TRERF1: variants seen among roughly 807,000 people sequenced by gnomAD.
TRERF1 encodes transcriptional regulating factor 1.
TRERF1 carries 27 observed loss-of-function variants against 122.9 expected under a neutral mutation model. That is an observed-to-expected ratio of 0.22 (90% CI 0.16 to 0.30). The LOEUF (loss-of-function observed/expected upper bound fraction) is 0.30, where lower values mean the gene tolerates loss of function less well. Among genes scored for constraint, TRERF1 ranks in the 10% least tolerant of loss-of-function variants. The pLI, the probability that TRERF1 is intolerant of heterozygous loss-of-function variation, is 1.00. For missense variants in TRERF1, 1,248 were observed against 1,560.3 expected (o/e 0.80, Z 3.37); for synonymous variants, 636 against 641.7 (o/e 0.99, Z 0.13).
chr6:42,373,410 G>C (rs1262825139), intron 2 of TRERF1, among the ~76,000 whole-genome samples: 1 of 152,208 alleles, frequency 6.6e-6, no homozygotes, highest in African/African-American at 2.4e-5. Context: ...GCTCACACCT[G>C]CAATCCCAGC....
intron 2 of TRERF1, among the ~76,000 whole-genome samples, chr6:42,447,388 C>T (rs944312371): frequency 6.6e-6 from 1 of 152,230 alleles, no homozygotes; most frequent in Non-Finnish European, 1.5e-5. Context: ...AAAATGCCCA[C>T]AGCACCCTTG....
intron 4 of TRERF1, among the ~76,000 whole-genome samples, chr6:42,298,951 G>A (rs1206335972): frequency 2.0e-5 from 3 of 151,646 alleles, no homozygotes; most frequent in Admixed American, 6.6e-5. Context: ...AAAACAAAAC[G>A]AAACAAAACA....
intron 4 of TRERF1, among the ~76,000 whole-genome samples, chr6:42,284,153 G>A (rs1001988386): frequency 6.6e-6 from 1 of 151,954 alleles, no homozygotes. Context: ...GAGAATCCTG[G>A]TAAAGGAATT....
At chr6:42,439,958 T>C (rs1442821778) in intron 2 of TRERF1, among the ~76,000 whole-genome samples, 2 of 152,188 alleles carry the variant, frequency 1.3e-5, no homozygotes, top group Non-Finnish European at 2.9e-5. Context: ...TCTGAGCTCC[T>C]CTTATTTGTC....
At chr6:42,419,813 T>C (rs1042464507) in intron 2 of TRERF1, among the ~76,000 whole-genome samples, 2 of 152,176 alleles carry the variant, frequency 1.3e-5, no homozygotes, top group Admixed American at 1.3e-4. Context: ...TGCCGTGGTG[T>C]TGACTGGGCA....
intron 13 of TRERF1, among the ~76,000 whole-genome samples, chr6:42,254,573 T>C (rs915409835): frequency 2.0e-5 from 3 of 152,156 alleles, no homozygotes; most frequent in Non-Finnish European, 4.4e-5. Flanking sequence ...CTTCTGTGGC[T>C]CTCTCTGGTC....
At chr6:42,330,745 C>T (rs1203122702) in intron 3 of TRERF1, among the ~76,000 whole-genome samples, 1 of 152,232 alleles carries the variant, frequency 6.6e-6, no homozygotes, top group Non-Finnish European at 1.5e-5. Context: ...TGGCTTACTG[C>T]AGTCTCAACA....
intron 2 of TRERF1, among the ~76,000 whole-genome samples, chr6:42,428,053 A>C (rs1783913871): frequency 6.6e-6 from 1 of 152,178 alleles, no homozygotes; most frequent in Non-Finnish European, 1.5e-5. Context: ...AGGGCCGGAA[A>C]TAGGAGTCAA....
At chr6:42,236,451 A>G in intron 15 of TRERF1, 40 bp from the exon 16 acceptor site, 1 of 1,542,140 alleles carries the variant, frequency 6.5e-7, no homozygotes, top group Non-Finnish European at 8.7e-7. Context: ...GAAAATCCCC[A>G]AATGGCATTC....
intron 3 of TRERF1, among the ~76,000 whole-genome samples, chr6:42,339,926 C>T (rs1334384392): frequency 6.6e-6 from 1 of 152,216 alleles, no homozygotes; most frequent in Admixed American, 6.5e-5. Context: ...CAGTTTACTA[C>T]TTAATACATA....
chr6:42,391,262 T>G (rs1023965267), intron 2 of TRERF1, among the ~76,000 whole-genome samples: 2 of 152,046 alleles, frequency 1.3e-5, no homozygotes, highest in African/African-American at 4.8e-5. Flanking sequence ...GGGTGGAGAG[T>G]GCAACCCTAA....
intron 3 of TRERF1, among the ~76,000 whole-genome samples, chr6:42,356,390 T>A (rs1770553504): frequency 6.6e-6 from 1 of 152,128 alleles, no homozygotes; most frequent in Admixed American, 6.5e-5. Context: ...ATGGGATGGG[T>A]GATCTTATAA....
At chr6:42,285,273 G>A (rs1782994067) in intron 4 of TRERF1, among the ~76,000 whole-genome samples, 2 of 151,872 alleles carry the variant, frequency 1.3e-5, no homozygotes, top group African/African-American at 4.8e-5. Flanking sequence ...TCATGATTTG[G>A]CTCTCTGTTT....
At chr6:42,364,966 C>T (rs1772457763) in intron 2 of TRERF1, among the ~76,000 whole-genome samples, 1 of 152,162 alleles carries the variant, frequency 6.6e-6, no homozygotes, top group Non-Finnish European at 1.5e-5. Flanking sequence ...AAGGATGTCT[C>T]TTTCTCTGAG....
At chr6:42,295,787 T>C (rs923103736) in intron 4 of TRERF1, among the ~76,000 whole-genome samples, 5 of 152,192 alleles carry the variant, frequency 3.3e-5, no homozygotes, top group Admixed American at 6.5e-5. Context: ...ACAGCAACTT[T>C]ATGCATTCTT....
chr6:42,264,627 C>T, intron 7 of TRERF1, 77 bp downstream of exon 7: 1 of 1,565,432 alleles, frequency 6.4e-7, no homozygotes, highest in Non-Finnish European at 8.6e-7. Flanking sequence ...GGGCTCACAT[C>T]ACTCTCTGTC....
intron 3 of TRERF1, among the ~76,000 whole-genome samples, chr6:42,309,721 G>A (rs1016323975): frequency 5.3e-5 from 8 of 152,152 alleles, no homozygotes; most frequent in Non-Finnish European, 1.0e-4. Flanking sequence ...GCTACTAGCC[G>A]TAAGTGGATA....
chr6:42,262,082 C>T (rs554059259), intron 8 of TRERF1, among the ~76,000 whole-genome samples: 1 of 152,146 alleles, frequency 6.6e-6, no homozygotes, highest in South Asian at 2.1e-4. Flanking sequence ...CACTGTTTCT[C>T]CTGCCAAAGC....
At chr6:42,287,376 C>T (rs181524392) in intron 4 of TRERF1, among the ~76,000 whole-genome samples, 1 of 152,000 alleles carries the variant, frequency 6.6e-6, no homozygotes, top group African/African-American at 2.4e-5. Flanking sequence ...CAGTTGGCTC[C>T]CAGTGCCCCA....
Sources: allele counts gnomAD v4.1 joint callset (sites outside exome capture counted in the v4.1 genomes callset), GRCh38; gene constraint gnomAD v4.1.1; transcripts MANE v1.5; gene names NCBI Gene and HGNC (gene_info 2026-07-23, HGNC 2026-07-21).